IRS2: variants seen among roughly 807,000 people sequenced by gnomAD.
The protein encoded by IRS2 is insulin receptor substrate 2.
A neutral mutation model predicts 70.9 loss-of-function variants in IRS2; 28 were observed. The ratio of observed to expected loss-of-function variants is 0.39; its 90% CI spans 0.29 to 0.54. IRS2 has a LOEUF of 0.54. Among genes scored for constraint, IRS2 ranks in the 20% least tolerant of loss-of-function variants. The pLI, the probability that IRS2 is intolerant of heterozygous loss-of-function variation, is 0.59. For missense variants in IRS2, 2,081 were observed against 2,024.1 expected, an observed-to-expected ratio of 1.03 and a Z score of -0.54; for synonymous variants, 1,217 against 981.9, an observed-to-expected ratio of 1.24 and a Z score of -4.48.
chr13:109,782,082 G>A lies in IRS2; in HGVS notation c.3972C>T (p.Asp1324=), dbSNP rs781485494. 2.5e-6 allele frequency: 4 copies of A among 1,612,566 alleles called. No homozygotes were observed. The highest frequency in any genetic ancestry group is 3.4e-6 in the Non-Finnish European group (4 of 1,179,882). Residue 1324 remains aspartate (D), a synonymous_variant, in exon 1 of 2, where the codon GAC becomes GAT. Transcript: ENST00000375856. ...CCTCCTTCAAGTGGTGGGACAAGAA[G>A]TCAATGCTGGCGTAGGTGTTGGCAG... The part of the protein sequence containing the change: ...LPPANTYASI[D]FLSHHLKEAT...
rs1186971351 is a variant in IRS2 at position 109,785,955 on chromosome 13, C to T, written c.99G>A (p.Lys33=). 2.0e-6 allele frequency: 3 copies of T among 1,498,380 alleles called. No homozygotes were observed. Among genetic ancestry groups the T allele is most frequent in the Admixed American group, 2.2e-5 (1 of 46,004 alleles). 92.8% of individuals were successfully genotyped at this position (1,498,380 alleles called of 1,614,324 possible). Residue 33 remains lysine, a synonymous_variant, in exon 1 of 2, where the codon AAG becomes AAA. Transcript: ENST00000375856. The surrounding 1 kb of genome is among the most constrained non-coding windows in gnomAD (Gnocchi z 9.3). The part of the protein sequence containing the change: ...NNNNNNHSVR[K]CGYLRKQKHG... ...GCTTCTGCTTGCGCAGGTAGCCGCA[C>T]TTGCGCACGCTGTGGTTGTTGTTGT...
In IRS2 at chr13:109,767,757, G is replaced by T. The variant is rs573373209; in HGVS notation, c.4013-11449C>A. ...TTTTTTTTTTTTTTTTTTTGAGATG[G>T]AGTCTCGCTCTGTTGCCCAGGCTGG... On this transcript the variant is annotated intron_variant, in intron 1 of 1. Coordinates refer to ENST00000375856, the MANE Select transcript of IRS2 (RefSeq NM_003749.3). Among the ~76,000 whole-genome samples the T allele has an allele frequency of 6.4e-5, 9 of 141,512 alleles. No individual in the cohort carries two copies. In the East Asian group the frequency reaches 1.8e-3, roughly 29 times the overall value. The allele number at this position is 141,512 out of a possible 152,430, so 92.8% of individuals were successfully genotyped here. A position where few individuals can be genotyped will look rare whatever the true frequency, so the allele number is the denominator to read the frequency against.
intron 1 of IRS2, among the ~76,000 whole-genome samples, chr13:109,763,501 C>T (rs1877271950): frequency 1.3e-5 from 2 of 152,216 alleles, no homozygotes; most frequent in Admixed American, 1.3e-4. Flanking sequence ...CCTACACTAG[C>T]ATTCTTCCTT....
intron 1 of IRS2, among the ~76,000 whole-genome samples, chr13:109,758,924 G>A (rs1490271296): frequency 1.3e-5 from 2 of 149,670 alleles, no homozygotes; most frequent in African/African-American, 4.9e-5. Flanking sequence ...GAAAAAAAAA[G>A]AAGGAGGGAG....
In IRS2 at chr13:109,756,256, T is replaced by C; in HGVS notation, c.*48A>G. On this transcript the variant is annotated 3_prime_UTR_variant, in exon 2 of 2. Coordinates refer to ENST00000375856, the MANE Select transcript of IRS2 (RefSeq NM_003749.3). Reference sequence around the variant, plus strand: ...AACAGTGCTGAGCGTCTTCTTTTAATGATACTCTCTGACATGTGACATCCT... The same window carrying C: ...AACAGTGCTGAGCGTCTTCTTTTAACGATACTCTCTGACATGTGACATCCT... The C allele has an allele frequency of 6.6e-7, 1 of 1,504,698 alleles. No homozygotes were observed. 93.2% of individuals were successfully genotyped at this position (1,504,698 alleles called of 1,614,324 possible).
Position 109,783,726 on chromosome 13 carries a change from G to C in IRS2, c.2328C>G (p.Thr776=), listed in dbSNP as rs1417145982. Residue 776 remains threonine (T), a synonymous_variant, in exon 1 of 2, where the codon ACC becomes ACG. Coordinates refer to ENST00000375856, the MANE Select transcript of IRS2 (RefSeq NM_003749.3). ...AGAAGAAGTCGGGCGGGGTGCCCGT[G>C]GTGACCGCGTCGCTGGGGGACACGT... is the stretch of plus-strand genomic sequence containing the variant. The part of the protein sequence containing the change: ...YLNVSPSDAV[T]TGTPPDFFSA... 6.3e-7 allele frequency: 1 copy of C among 1,578,788 alleles called. No homozygotes were observed. Among genetic ancestry groups the C allele is most frequent in the African/African-American group, 1.3e-5 (1 of 74,202 alleles).
At chr13:109,762,211 G>C (rs1452469563) in intron 1 of IRS2, among the ~76,000 whole-genome samples, 3 of 152,182 alleles carry the variant, frequency 2.0e-5, no homozygotes, top group African/African-American at 7.2e-5. Context: ...TTCGTCTATG[G>C]CAAGAATTGC....
intron 1 of IRS2, among the ~76,000 whole-genome samples, chr13:109,780,169 T>C (rs769271708): frequency 2.3e-4 from 35 of 152,226 alleles, no homozygotes; most frequent in Non-Finnish European, 4.0e-4. Flanking sequence ...GGCTGTTTTC[T>C]GATTAGAATC....
rs142923213 is a variant in IRS2 at position 109,785,430 on chromosome 13, G to C, written c.624C>G (p.Gly208=). 4.3e-6 allele frequency: 7 copies of C among 1,612,226 alleles called. No individual in the cohort carries two copies. Among genetic ancestry groups the C allele is most frequent in the Non-Finnish European group, 5.9e-6 (7 of 1,179,800 alleles). ...WQVNLKPKGL[G]QSKNLTGVYR... ...ACACCCCCGTCAGGTTCTTGCTCTG[G>C]CCCAGACCCTTGGGCTTCAGGTTCA... The change falls in exon 1 of 2, where the codon GGC becomes GGG. Residue 208 remains glycine, a synonymous_variant. Coordinates refer to ENST00000375856, the MANE Select transcript of IRS2 (RefSeq NM_003749.3). This position sits in a 1 kb window ranked among gnomAD's most constrained non-coding sequence, Gnocchi z 9.3.
Position 109,760,138 on chromosome 13 carries a change from T to C in IRS2, c.4013-3830A>G, listed in dbSNP as rs142864359. On this transcript the variant is annotated intron_variant, in intron 1 of 1. Coordinates refer to ENST00000375856, the MANE Select transcript of IRS2 (RefSeq NM_003749.3). ...CCTGAAGATGAGATTCCAGCAAAAA[T>C]TTATTTGTTGTATTATCTGTGTTCA... Among the ~76,000 whole-genome samples the C allele has an allele frequency of 4.6e-3, 701 of 152,280 alleles. 2 individuals carry two copies. The highest frequency in any genetic ancestry group is 0.016 in the African/African-American group (670 of 41,564).
chr13:109,779,185 CT>C (rs1300274754), intron 1 of IRS2, among the ~76,000 whole-genome samples: 3 of 152,202 alleles, frequency 2.0e-5, no homozygotes, highest in Non-Finnish European at 2.9e-5. Context: ...TGGCTGGAAC[CT>C]TACCTCTCTG....
Position 109,782,436 on chromosome 13 carries a change from C to A in IRS2, c.3618G>T (p.Gln1206His). The A allele has an allele frequency of 6.3e-7, 1 of 1,588,892 alleles. No homozygotes were observed. The highest frequency in any genetic ancestry group is 8.6e-7 in the Non-Finnish European group (1 of 1,167,420). The stretch of plus-strand genomic sequence containing the variant: ...GTGCCAAAGGGGGCGCCGGCTGCAA[C>A]TGTCGTGGGGAGGTGGGCGGCTCGT... ...GGDEPPTSPR[Q>H]LQPAPPLAPQ... Residue 1206 changes from glutamine (Q) to histidine (H), a missense_variant, in exon 1 of 2, where the codon CAG becomes CAT. By Grantham distance (24) the Gln-to-His change is conservative. This residue lies in a region of IRS2 where 1,615 missense variants were observed against 1,459.5 expected (regional missense o/e 1.11). Coordinates refer to ENST00000375856, the MANE Select transcript of IRS2 (RefSeq NM_003749.3).
intron 1 of IRS2, among the ~76,000 whole-genome samples, chr13:109,763,251 A>G (rs1216015457): frequency 2.0e-5 from 3 of 152,222 alleles, no homozygotes; most frequent in Admixed American, 2.0e-4. Flanking sequence ...ATACTGGGAA[A>G]CTAATTGATA....
chr13:109,780,060 C>T (rs933984079), intron 1 of IRS2, among the ~76,000 whole-genome samples: 1 of 152,162 alleles, frequency 6.6e-6, no homozygotes, highest in African/African-American at 2.4e-5. Flanking sequence ...CAGCTTATGG[C>T]GCCTGCTATG....
chr13:109,768,337 G>A (rs531453579), intron 1 of IRS2, among the ~76,000 whole-genome samples: 142 of 152,194 alleles, frequency 9.3e-4, no homozygotes, highest in African/African-American at 3.3e-3. Flanking sequence ...GCACACAGTT[G>A]GCTGGAGCCC....
At chr13:109,773,188 A>G (rs1032744597) in intron 1 of IRS2, among the ~76,000 whole-genome samples, 1 of 151,920 alleles carries the variant, frequency 6.6e-6, no homozygotes, top group Non-Finnish European at 1.5e-5. Flanking sequence ...CTGAGAATTA[A>G]AAAAAAAGAA....
rs1381899317 is a variant in IRS2, at chr13:109,755,212, TCC to T, written c.*1090_*1091del. 3 of 125,662 alleles carry T rather than the reference TCC, an allele frequency of 2.4e-5. No homozygotes were observed. The highest frequency in any genetic ancestry group is 1.7e-4 in the Admixed American group (1 of 5,756). The allele number at this position is 125,662 out of a possible 1,614,324, so 7.8% of individuals were successfully genotyped here. On this transcript the variant is annotated 3_prime_UTR_variant, in exon 2 of 2. Coordinates refer to ENST00000375856, the MANE Select transcript of IRS2 (RefSeq NM_003749.3). The stretch of plus-strand genomic sequence containing the variant: ...GCCTCTTTTTATCAGTTTCTTTCTT[TCC>T]TTTTTTTTTTTTCTTTTTGTTTTTT...
At position 109,782,939 on chromosome 13, in the gene IRS2, C is replaced by A. The variant is rs1246785152; in HGVS notation, c.3115G>T (p.Gly1039Trp). The A allele has an allele frequency of 6.8e-7, 1 of 1,466,054 alleles. No homozygotes were observed. Among genetic ancestry groups the A allele is most frequent in the Non-Finnish European group, 9.0e-7 (1 of 1,111,992 alleles). The allele number at this position is 1,466,054 out of a possible 1,614,324, so 90.8% of individuals were successfully genotyped here. The change falls in exon 1 of 2, where the codon GGG (glycine) becomes TGG (tryptophan). Residue 1039 changes from glycine to tryptophan, a missense_variant. Gly to Trp is a radical substitution (Grantham distance 184). Coordinates refer to ENST00000375856, the MANE Select transcript of IRS2 (RefSeq NM_003749.3). ...GCGGGGGGCAGGCGGTACAGCTCCC[C>A]CGGGGCCGGCGGCGGTGGCGGCGGC... ...LQPPPPPPAPGELYRLPPASA... is the reference protein window; with the variant it reads ...LQPPPPPPAPWELYRLPPASA...
chr13:109,776,283 A>G (rs1285319696), intron 1 of IRS2, among the ~76,000 whole-genome samples: 19 of 152,262 alleles, frequency 1.2e-4, no homozygotes, highest in Admixed American at 1.2e-3. Context: ...TAAGCAAGGA[A>G]TATTTTATAA....
Sources: gnomAD v4.1 joint callset for allele counts (sites outside exome capture counted in the v4.1 genomes callset) on GRCh38, gnomAD v4.1.1 for gene constraint, gnomAD v4.1.1 regional missense constraint, Gnocchi (gnomAD v3.1) non-coding constraint, MANE v1.5 for transcripts, NCBI Gene and HGNC (gene_info 2026-07-23, HGNC 2026-07-21) for gene names.